ANO2: variants seen among roughly 807,000 people sequenced by gnomAD.
ANO2 encodes anoctamin-2.
Under a neutral mutation model 124.2 loss-of-function variants are expected in ANO2, and 101 were observed. The ratio of observed to expected loss-of-function variants is 0.81; its 90% confidence interval spans 0.69 to 0.96. ANO2 has a LOEUF of 0.96. ANO2 is among the 40% of genes least tolerant of loss of function. The pLI, the probability that ANO2 is intolerant of heterozygous loss-of-function variation, is 0.00. For missense variants in ANO2, 1,293 were observed against 1,274.5 expected (o/e 1.01, Z -0.22); for synonymous variants, 486 against 482.5 (o/e 1.01, Z -0.09).
At chr12:5,631,583 T>C (rs867000935) in intron 16 of ANO2, among the ~76,000 whole-genome samples, 1 of 152,112 alleles carries the variant, frequency 6.6e-6, no homozygotes, top group African/African-American at 2.4e-5. Context: ...CAACAGCTGA[T>C]GGATGAACCC....
At chr12:5,850,423 A>G (rs1954845852) in intron 4 of ANO2, among the ~76,000 whole-genome samples, 1 of 148,232 alleles carries the variant, frequency 6.7e-6, no homozygotes, top group Non-Finnish European at 1.5e-5. Context: ...CTCAAAAAAA[A>G]AAAAAAAAAA....
In ANO2 at chr12:5,923,093, C is replaced by CACACACAT. The variant is rs1565783511; in HGVS notation, c.23-290_23-289insATGTGTGT. Among the ~76,000 whole-genome samples, 27 of 13,686 alleles carry CACACACAT rather than the reference C, an allele frequency of 2.0e-3. 2 individuals are homozygous for CACACACAT. The Admixed American group carries it at 0.026, about 13-fold the overall frequency. 9.0% of individuals were successfully genotyped at this position (13,686 alleles called of 152,430 possible). On this transcript the variant is annotated intron_variant, in intron 1 of 24. Coordinates refer to ENST00000682330, the MANE Select transcript of ANO2 (RefSeq NM_001364791.2). ...ACACATGCACACATACACACACACA[C>CACACACAT]GCACACACATACACACACATGCACG...
chr12:5,924,749 T>C (rs1202972783), intron 1 of ANO2, among the ~76,000 whole-genome samples: 1 of 152,198 alleles, frequency 6.6e-6, no homozygotes, highest in Non-Finnish European at 1.5e-5. Context: ...TAACTGCTCC[T>C]TTTCTCTTGC....
At chr12:5,839,681 A>C (rs1182812778) in intron 4 of ANO2, 4 of 454,426 alleles carry the variant, frequency 8.8e-6, no homozygotes, top group Non-Finnish European at 1.8e-5. Context: ...AAACCCTTCC[A>C]TGTATGGAAT....
At chr12:5,701,531 C>T (rs570823853) in intron 14 of ANO2, among the ~76,000 whole-genome samples, 3 of 152,250 alleles carry the variant, frequency 2.0e-5, no homozygotes, top group South Asian at 4.2e-4. Context: ...CTCTGATACA[C>T]CACTTCTAGA....
chr12:5,613,827 G>C (rs1433307702), intron 17 of ANO2, among the ~76,000 whole-genome samples: 1 of 152,150 alleles, frequency 6.6e-6, no homozygotes, highest in African/African-American at 2.4e-5. Flanking sequence ...TAAGCCTCAG[G>C]ATCCTTTTTT....
At chr12:5,917,003 C>T (rs1249595827) in intron 3 of ANO2, among the ~76,000 whole-genome samples, 1 of 152,102 alleles carries the variant, frequency 6.6e-6, no homozygotes, top group African/African-American at 2.4e-5. Context: ...GACAGGGACG[C>T]TGGGGGAGGC....
At chr12:5,599,409 T>A in intron 20 of ANO2, 75 bp downstream of exon 20, 4 of 1,453,098 alleles carry the variant, frequency 2.8e-6, no homozygotes, top group Non-Finnish European at 3.7e-6. Context: ...CCCAATCCCC[T>A]ACCTTCCCCC....
chr12:5,836,206 G>T (rs1224913393), intron 4 of ANO2, among the ~76,000 whole-genome samples: 1 of 152,198 alleles, frequency 6.6e-6, no homozygotes, highest in Non-Finnish European at 1.5e-5. Context: ...GCTAAGGGTT[G>T]CCAGATCGAA....
intron 3 of ANO2, among the ~76,000 whole-genome samples, chr12:5,873,134 T>C (rs751711958): frequency 6.6e-6 from 1 of 150,914 alleles, no homozygotes; most frequent in Admixed American, 6.6e-5. Context: ...AAAGACGGAG[T>C]GAGGGCTGAG....
At chr12:5,905,709 G>C (rs1412057287) in intron 3 of ANO2, among the ~76,000 whole-genome samples, 4 of 152,304 alleles carry the variant, frequency 2.6e-5, no homozygotes, top group African/African-American at 7.2e-5. Flanking sequence ...CTTGGAATCT[G>C]CCCAATGGCA....
intron 3 of ANO2, among the ~76,000 whole-genome samples, chr12:5,914,796 A>G (rs1235441678): frequency 6.6e-6 from 1 of 152,172 alleles, no homozygotes; most frequent in Non-Finnish European, 1.5e-5. Context: ...TTTAGCTAAA[A>G]GTCTACAAAC....
intron 3 of ANO2, among the ~76,000 whole-genome samples, chr12:5,919,247 C>A (rs1565778615): frequency 1.3e-5 from 2 of 152,212 alleles, no homozygotes; most frequent in East Asian, 3.9e-4. Flanking sequence ...GAGCAGAGAG[C>A]TGAAGAGAGG....
intron 16 of ANO2, among the ~76,000 whole-genome samples, chr12:5,632,551 C>T (rs1014311106): frequency 6.6e-6 from 1 of 152,074 alleles, no homozygotes; most frequent in Admixed American, 6.5e-5. Flanking sequence ...GGACATTGAT[C>T]TAACAGCCCA....
At chr12:5,619,291 T>G (rs754356886) in intron 16 of ANO2, among the ~76,000 whole-genome samples, 6 of 152,220 alleles carry the variant, frequency 3.9e-5, no homozygotes, top group Non-Finnish European at 8.8e-5. Flanking sequence ...GTTTAGGAAA[T>G]ACCGTATTTG....
chr12:5,885,025 G>T (rs1336548688), intron 3 of ANO2, among the ~76,000 whole-genome samples: 3 of 152,188 alleles, frequency 2.0e-5, no homozygotes, highest in Admixed American at 2.0e-4. Context: ...ATCTCCCTGT[G>T]GTCCAGCCTT....
chr12:5,627,267 A>C (rs1208084544), intron 16 of ANO2, among the ~76,000 whole-genome samples: 1 of 152,166 alleles, frequency 6.6e-6, no homozygotes, highest in African/African-American at 2.4e-5. Flanking sequence ...CCCCCTGGCC[A>C]GACCCTGGGA....
intron 3 of ANO2, among the ~76,000 whole-genome samples, chr12:5,903,624 T>C (rs1285791812): frequency 6.7e-6 from 1 of 149,980 alleles, no homozygotes; most frequent in African/African-American, 2.5e-5. Context: ...AGCATTACAG[T>C]AAGACAGCTA....
chr12:5,923,252 A>G (rs547747194), intron 1 of ANO2, among the ~76,000 whole-genome samples: 2 of 74,740 alleles, frequency 2.7e-5, no homozygotes, highest in African/African-American at 1.1e-4. Flanking sequence ...ACGCATACAC[A>G]CACATACACA....
Sources: allele counts gnomAD v4.1 joint callset (sites outside exome capture counted in the v4.1 genomes callset), GRCh38; gene constraint gnomAD v4.1.1; transcripts MANE v1.5; gene names NCBI Gene and HGNC (gene_info 2026-07-23, HGNC 2026-07-21).